XRRA1: variants seen among roughly 807,000 people sequenced by gnomAD.
The protein encoded by XRRA1 is X-ray radiation resistance-associated protein 1.
A neutral mutation model predicts 80.2 loss-of-function variants in XRRA1; 69 were observed. The ratio of observed to expected loss-of-function variants is 0.86; its 90% CI spans 0.71 to 1.05. XRRA1 has a LOEUF of 1.05. Among genes scored for constraint, XRRA1 ranks in the 50% least tolerant of loss-of-function variants. XRRA1 has a pLI of 0.00. For synonymous variants in XRRA1, 348 were observed against 389.9 expected, an observed-to-expected ratio of 0.89 and a Z score of 1.27; for missense variants, 967 against 976.4, an observed-to-expected ratio of 0.99 and a Z score of 0.13.
chr11:74,861,002 A>G (rs1489552682), intron 11 of XRRA1, among the ~76,000 whole-genome samples: 1 of 152,178 alleles, frequency 6.6e-6, no homozygotes, highest in Admixed American at 6.5e-5. Flanking sequence ...GAGGATAAGG[A>G]ACTAGAAATT....
intron 18 of XRRA1, 178 bp from the exon 19 acceptor site, chr11:74,843,631 A>C: frequency 1.1e-6 from 1 of 890,494 alleles, no homozygotes. Flanking sequence ...GCCCCTATGC[A>C]TTGACTCTAT....
At chr11:74,873,766 T>G (rs2045426805) in intron 10 of XRRA1, among the ~76,000 whole-genome samples, 1 of 152,128 alleles carries the variant, frequency 6.6e-6, no homozygotes, top group South Asian at 2.1e-4. Context: ...CTCAGTGAAG[T>G]ACCTGGGTGT....
rs960675255 is a variant in XRRA1 at position 74,842,118 on chromosome 11, T to A, written c.*1082A>T. The A allele has an allele frequency of 6.6e-6, 1 of 152,176 alleles. No homozygotes were observed. Among genetic ancestry groups the A allele is most frequent in the Non-Finnish European group, 1.5e-5 (1 of 68,020 alleles). The allele number at this position is 152,176 out of a possible 1,614,324, so 9.4% of individuals were successfully genotyped here. A position where few individuals can be genotyped will look rare whatever the true frequency, so the allele number is the denominator to read the frequency against. The stretch of plus-strand genomic sequence containing the variant: ...GCCTAGAAAATAGGTTGTGTATTGG[T>A]TTTATTCAACCTGCTGTCTGCTTTA... On this transcript the variant is annotated 3_prime_UTR_variant, in exon 19 of 19. Coordinates refer to ENST00000684022, the MANE Select transcript of XRRA1 (RefSeq NM_001378157.1).
At chr11:74,916,358 CT>C (rs200912905) in intron 8 of XRRA1, among the ~76,000 whole-genome samples, 128 of 151,582 alleles carry the variant, frequency 8.4e-4, no homozygotes, top group African/African-American at 2.7e-3. Context: ...TCAAGTCAAT[CT>C]TTTTTTTTCC....
chr11:74,900,179 A>T (rs2053297624), intron 10 of XRRA1, among the ~76,000 whole-genome samples: 1 of 152,012 alleles, frequency 6.6e-6, no homozygotes, highest in Admixed American at 6.5e-5. Context: ...AAAATCAATA[A>T]AATAAATAAA....
chr11:74,858,790 A>G (rs1393057352), intron 12 of XRRA1, among the ~76,000 whole-genome samples: 1 of 152,058 alleles, frequency 6.6e-6, no homozygotes, highest in Admixed American at 6.6e-5. Context: ...ACTTCATAAC[A>G]CTGTGAATTT....
chr11:74,941,111 G>A (rs1946251642), intron 2 of XRRA1, among the ~76,000 whole-genome samples: 1 of 152,226 alleles, frequency 6.6e-6, no homozygotes, highest in East Asian at 1.9e-4. Context: ...TAACCCAATG[G>A]AACCCTAGAA....
At chr11:74,907,117 C>T in intron 9 of XRRA1, 28 bp downstream of exon 9, 1 of 1,612,222 alleles carries the variant, frequency 6.2e-7, no homozygotes, top group African/African-American at 1.3e-5. Flanking sequence ...TTAGAGGAGG[C>T]CCAGCAGAGA....
rs1375601333 is a variant in XRRA1, at chr11:74,848,449, A to G, written c.1394T>C (p.Ile465Thr). ...RKESWKVKSE[I>T]PKVPKQPLVL... is the part of the protein sequence containing the mutation. ...CAGAGGCTGCTTCGGCACCTTTGGG[A>G]TTTCGCTTTTCACCTGTCATGGAGA... is the stretch of plus-strand genomic sequence containing the variant. The change falls in exon 15 of 19, where the codon ATC becomes ACC. Residue 465 changes from isoleucine to threonine, a missense_variant. Coordinates refer to ENST00000684022, the MANE Select transcript of XRRA1 (RefSeq NM_001378157.1). 6.2e-7 allele frequency: 1 copy of G among 1,608,082 alleles called. No homozygotes were observed. Among genetic ancestry groups the G allele is most frequent in the Non-Finnish European group, 8.5e-7 (1 of 1,175,948 alleles).
chr11:74,843,638 C>CT lies in XRRA1; in HGVS notation c.2150-186dup, dbSNP rs558391253. 1.6e-5 allele frequency: 14 copies of CT among 870,372 alleles called. No homozygotes were observed. The African/African-American group carries it at 2.4e-4, about 15-fold the overall frequency. The allele number at this position is 870,372 out of a possible 1,614,324, so 53.9% of individuals were successfully genotyped here. ...TTCCTACTGCCCCTATGCATTGACT[C>CT]TATCTTAAGCCCTGGTTCAGGACCT... is the stretch of plus-strand genomic sequence containing the variant. On this transcript the variant is annotated intron_variant, in intron 18 of 18. Transcript: ENST00000684022.
At chr11:74,947,301 G>A (rs977720033) in intron 1 of XRRA1, among the ~76,000 whole-genome samples, 1 of 152,052 alleles carries the variant, frequency 6.6e-6, no homozygotes, top group African/African-American at 2.4e-5. Flanking sequence ...CGAAGCAGAC[G>A]GATCACTTGA....
intron 10 of XRRA1, among the ~76,000 whole-genome samples, chr11:74,884,840 A>G (rs1000326374): frequency 3.3e-5 from 5 of 152,232 alleles, no homozygotes; most frequent in African/African-American, 1.2e-4. Flanking sequence ...AAGATCTCAA[A>G]TTAACAACCT....
rs369723959 is a variant in XRRA1 at position 74,937,022 on chromosome 11, C to A, written c.141G>T (p.Lys47Asn). Reference protein sequence around the residue: ...LVVQKGNLKKKPKGLVGAQAE... With the variant: ...LVVQKGNLKKNPKGLVGAQAE... The stretch of plus-strand genomic sequence containing the variant: ...CTTGTGCTCCAACCAAACCCTTGGG[C>A]TTCTTCTTGAGGTTACCTTTCTGAA... The change falls in exon 4 of 19, where the codon AAG (lysine) becomes AAT (asparagine). Residue 47 changes from lysine (K) to asparagine (N), a missense_variant. By Grantham distance (94) the Lys-to-Asn change is moderately conservative. Transcript: ENST00000684022. 65 of 1,613,802 alleles carry A rather than the reference C, an allele frequency of 4.0e-5. No homozygotes were observed. The highest frequency in any genetic ancestry group is 5.3e-5 in the Non-Finnish European group (63 of 1,179,896).
chr11:74,876,493 T>C (rs997856806), intron 10 of XRRA1: 8 of 152,102 alleles, frequency 5.3e-5, no homozygotes, highest in African/African-American at 1.9e-4. Context: ...TTAACACAAC[T>C]AGCAGAAGCC....
intron 10 of XRRA1, among the ~76,000 whole-genome samples, chr11:74,877,688 C>A (rs1366056422): frequency 1.4e-5 from 2 of 147,670 alleles, no homozygotes; most frequent in African/African-American, 5.0e-5. Flanking sequence ...GTTCAATTCC[C>A]ACCTATGAGT....
chr11:74,876,842 TCA>T (rs1272865548), intron 10 of XRRA1: 5 of 152,350 alleles, frequency 3.3e-5, no homozygotes, highest in Admixed American at 3.3e-4. Flanking sequence ...TCAGATACTT[TCA>T]GTTATTTCTA....
At chr11:74,905,175 C>T (rs2054319298) in intron 10 of XRRA1, among the ~76,000 whole-genome samples, 1 of 152,068 alleles carries the variant, frequency 6.6e-6, no homozygotes, top group Admixed American at 6.6e-5. Flanking sequence ...GTAGCCAGGA[C>T]TATAGGTGCA....
At chr11:74,865,280 T>C (rs1274411307) in intron 10 of XRRA1, among the ~76,000 whole-genome samples, 1 of 152,154 alleles carries the variant, frequency 6.6e-6, no homozygotes, top group East Asian at 1.9e-4. Flanking sequence ...TCACAGCAGA[T>C]CCTGTGTGGG....
At chr11:74,876,679 G>A (rs533502928) in intron 10 of XRRA1, 20 of 152,292 alleles carry the variant, frequency 1.3e-4, no homozygotes, top group African/African-American at 4.8e-4. Context: ...TCAAGTCAAA[G>A]CCTGGAAACC....
Sources: gnomAD v4.1 joint callset for allele counts (sites outside exome capture counted in the v4.1 genomes callset) on GRCh38, gnomAD v4.1.1 for gene constraint, MANE v1.5 for transcripts, NCBI Gene and HGNC (gene_info 2026-07-23, HGNC 2026-07-21) for gene names.